Variants in UNC5D observed in about 807,000 individuals in gnomAD.
UNC5D encodes netrin receptor UNC5D.
UNC5D carries 39 observed loss-of-function variants against 105.4 expected under a neutral mutation model. The observed-to-expected ratio is 0.37, with a 90% CI of 0.29 to 0.48. The LOEUF is 0.48. Ranked by LOEUF, UNC5D falls within the 20% of genes least tolerant of loss-of-function variation. The pLI, the probability that UNC5D is intolerant of heterozygous loss-of-function variation, is 0.98. For synonymous variants in UNC5D, 452 were observed against 450.4 expected (o/e 1.00, Z -0.04); for missense variants, 991 against 1,202.4 (o/e 0.82, Z 2.60).
At chr8:35,323,556 A>G (rs771178550) in intron 1 of UNC5D, among the ~76,000 whole-genome samples, 5 of 152,204 alleles carry the variant, frequency 3.3e-5, no homozygotes, top group Non-Finnish European at 5.9e-5. Flanking sequence ...TGCACCAAGC[A>G]TTGTGATAGG....
intron 4 of UNC5D, among the ~76,000 whole-genome samples, chr8:35,681,101 T>G (rs1825630776): frequency 6.6e-6 from 1 of 152,194 alleles, no homozygotes; most frequent in African/African-American, 2.4e-5. Flanking sequence ...GTGTTACACC[T>G]TAACATTAAC....
At chr8:35,666,940 T>C (rs1824463868) in intron 4 of UNC5D, among the ~76,000 whole-genome samples, 1 of 152,132 alleles carries the variant, frequency 6.6e-6, no homozygotes, top group Non-Finnish European at 1.5e-5. Context: ...AAAATAGTTG[T>C]CTAACATAAC....
chr8:35,591,264 G>C (rs1819155130), intron 3 of UNC5D, among the ~76,000 whole-genome samples: 1 of 150,584 alleles, frequency 6.6e-6, no homozygotes, highest in African/African-American at 2.5e-5. Flanking sequence ...CAAAAAAAAA[G>C]CAAAAAATAA....
chr8:35,578,620 A>G (rs1586173486), intron 3 of UNC5D, among the ~76,000 whole-genome samples: 1 of 152,224 alleles, frequency 6.6e-6, no homozygotes, highest in Admixed American at 6.5e-5. Flanking sequence ...ACATCTTTTT[A>G]GTTTCCATCC....
intron 4 of UNC5D, among the ~76,000 whole-genome samples, chr8:35,649,137 T>A (rs1463658261): frequency 1.3e-5 from 2 of 152,214 alleles, no homozygotes; most frequent in African/African-American, 4.8e-5. Context: ...GACATTAGAT[T>A]TCTAGAATCG....
intron 1 of UNC5D, among the ~76,000 whole-genome samples, chr8:35,526,194 A>G (rs1813858503): frequency 6.6e-6 from 1 of 152,194 alleles, no homozygotes; most frequent in Admixed American, 6.5e-5. Flanking sequence ...TTTCTCATAG[A>G]AAACTAGTAA....
chr8:35,686,304 C>G (rs1826006268), intron 6 of UNC5D, among the ~76,000 whole-genome samples: 1 of 152,156 alleles, frequency 6.6e-6, no homozygotes, highest in Admixed American at 6.5e-5. Flanking sequence ...AATATGAATG[C>G]TTGCCTCAAT....
intron 4 of UNC5D, among the ~76,000 whole-genome samples, chr8:35,620,948 C>G (rs1245046570): frequency 1.3e-5 from 2 of 152,178 alleles, no homozygotes; most frequent in African/African-American, 4.8e-5. Context: ...AGCCTTAACA[C>G]TGTTGACGTT....
At chr8:35,515,248 A>T (rs1324110765) in intron 1 of UNC5D, among the ~76,000 whole-genome samples, 1 of 152,230 alleles carries the variant, frequency 6.6e-6, no homozygotes, top group African/African-American at 2.4e-5. Context: ...TGGTAAATGG[A>T]ACCAAAAACA....
intron 1 of UNC5D, among the ~76,000 whole-genome samples, chr8:35,280,039 A>C (rs186120844): frequency 2.0e-4 from 30 of 152,188 alleles, no homozygotes; most frequent in African/African-American, 7.0e-4. Flanking sequence ...TTTGTCACAT[A>C]GGCTGGAATG....
intron 1 of UNC5D, among the ~76,000 whole-genome samples, chr8:35,248,309 ATATAAATATAT>A: frequency 1.7e-5 from 2 of 114,968 alleles, no homozygotes; most frequent in African/African-American, 7.3e-5. Flanking sequence ...AATATATAAT[ATATAAATATAT>A]GTTATATAAA....
At chr8:35,528,612 G>C (rs1455622489) in intron 1 of UNC5D, among the ~76,000 whole-genome samples, 2 of 146,830 alleles carry the variant, frequency 1.4e-5, no homozygotes, top group Non-Finnish European at 3.0e-5. Flanking sequence ...GATCCCTGAG[G>C]AATCGCCACA....
At chr8:35,240,428 T>C (rs1397311692) in intron 1 of UNC5D, among the ~76,000 whole-genome samples, 1 of 152,254 alleles carries the variant, frequency 6.6e-6, no homozygotes, top group Non-Finnish European at 1.5e-5. Context: ...ACTTTCATAC[T>C]TAGTTGAGTA....
At chr8:35,728,093 A>ATATATATATATATATATATATATATATAT (rs1263586222) in intron 10 of UNC5D, among the ~76,000 whole-genome samples, 1 of 122,550 alleles carries the variant, frequency 8.2e-6, no homozygotes, top group Non-Finnish European at 1.5e-5. Context: ...AAAAAAAAAA[A>ATATATATATATATATATATATATATATAT]AAATATATAT....
intron 1 of UNC5D, among the ~76,000 whole-genome samples, chr8:35,425,248 T>A (rs1806165852): frequency 6.6e-6 from 1 of 152,220 alleles, no homozygotes; most frequent in Admixed American, 6.5e-5. Context: ...TTAGGGAATT[T>A]ATCTTTACCT....
rs1803548047 is a variant in UNC5D, at chr8:35,249,580, T to C, written c.103+13693T>C. The stretch of plus-strand genomic sequence containing the variant: ...CTCAAAATAATAATAATAATAATAA[T>C]AATAATAATAATAATAATAATAAAA... On this transcript the variant is annotated intron_variant, in intron 1 of 16. Transcript: ENST00000404895. 2.7e-5 allele frequency among the ~76,000 whole-genome samples: 4 copies of C among 146,740 alleles called. No homozygotes were observed. In the Admixed American group the frequency reaches 2.7e-4, roughly 10 times the overall value.
At chr8:35,311,655 A>G (rs947164336) in intron 1 of UNC5D, among the ~76,000 whole-genome samples, 2 of 152,148 alleles carry the variant, frequency 1.3e-5, no homozygotes, top group Non-Finnish European at 2.9e-5. Context: ...CTATGGTTTG[A>G]TGATGTTAAA....
chr8:35,514,082 T>TTGTTGAA (rs537432335), intron 1 of UNC5D, among the ~76,000 whole-genome samples: 160 of 152,176 alleles, frequency 1.1e-3, no homozygotes, highest in African/African-American at 3.7e-3. Flanking sequence ...TTTAATGAAG[T>TTGTTGAA]TGTTGAATGT....
At chr8:35,263,171 C>T (rs914518594) in intron 1 of UNC5D, among the ~76,000 whole-genome samples, 1 of 152,130 alleles carries the variant, frequency 6.6e-6, no homozygotes, top group Non-Finnish European at 1.5e-5. Context: ...TCCTATTTAA[C>T]CCTCTAAGCC....
Sources: gnomAD v4.1 joint callset for allele counts (sites outside exome capture counted in the v4.1 genomes callset) on GRCh38, gnomAD v4.1.1 for gene constraint, MANE v1.5 for transcripts, NCBI Gene and HGNC (gene_info 2026-07-23, HGNC 2026-07-21) for gene names.